ARHGAP10: variants seen among roughly 807,000 people sequenced by gnomAD.
The protein encoded by ARHGAP10 is Rho GTPase activating protein 10.
Under a neutral mutation model 108.6 loss-of-function variants are expected in ARHGAP10, and 87 were observed. The observed-to-expected ratio is 0.80, with a 90% confidence interval of 0.67 to 0.96. ARHGAP10 has a LOEUF of 0.96. ARHGAP10 is among the 40% of genes least tolerant of loss of function. ARHGAP10 has a pLI of 0.00. For missense variants in ARHGAP10, 939 were observed against 954.5 expected (o/e 0.98, Z 0.21); for synonymous variants, 347 against 341.1 (o/e 1.02, Z -0.19).
intron 12 of ARHGAP10, among the ~76,000 whole-genome samples, chr4:147,911,650 C>G (rs555955155): frequency 5.3e-5 from 8 of 151,038 alleles, no homozygotes; most frequent in African/African-American, 2.0e-4. Flanking sequence ...GCGTGAGCCA[C>G]CGCGCCTGGC....
intron 1 of ARHGAP10, among the ~76,000 whole-genome samples, chr4:147,803,505 C>T (rs1204707803): frequency 1.3e-5 from 2 of 152,160 alleles, no homozygotes; most frequent in African/African-American, 4.8e-5. Flanking sequence ...TTATAGTCAG[C>T]CTTCTGTACT....
At chr4:147,733,975 G>A (rs1728325348) in intron 1 of ARHGAP10, among the ~76,000 whole-genome samples, 1 of 146,050 alleles carries the variant, frequency 6.8e-6, no homozygotes, top group African/African-American at 2.6e-5. Flanking sequence ...CCAGGCCCTT[G>A]GCATCTGGTA....
intron 1 of ARHGAP10, among the ~76,000 whole-genome samples, chr4:147,789,456 A>T (rs968736907): frequency 1.3e-5 from 2 of 152,086 alleles, no homozygotes; most frequent in African/African-American, 4.8e-5. Flanking sequence ...TGCTTAGCTA[A>T]TTTTTTTGTA....
chr4:147,984,626 A>G (rs1739958059), intron 18 of ARHGAP10, among the ~76,000 whole-genome samples: 1 of 152,224 alleles, frequency 6.6e-6, no homozygotes, highest in South Asian at 2.1e-4. Flanking sequence ...GCTTGTGAGC[A>G]GGCTCACTGC....
chr4:147,885,737 C>G (rs1735523550), intron 10 of ARHGAP10, among the ~76,000 whole-genome samples: 1 of 152,226 alleles, frequency 6.6e-6, no homozygotes, highest in South Asian at 2.1e-4. Context: ...TTGGTCCTCT[C>G]CAGTTCAGCT....
intron 3 of ARHGAP10, among the ~76,000 whole-genome samples, chr4:147,841,333 C>A (rs2126810572): frequency 6.6e-6 from 1 of 152,342 alleles, no homozygotes; most frequent in Non-Finnish European, 1.5e-5. Context: ...ATTATGTAAT[C>A]TGTATGTGTG....
intron 12 of ARHGAP10, among the ~76,000 whole-genome samples, chr4:147,911,228 A>C (rs893531396): frequency 8.6e-5 from 13 of 152,002 alleles, no homozygotes; most frequent in African/African-American, 2.9e-4. Context: ...AATTCTCTTC[A>C]AGCTTAGCAC....
intron 1 of ARHGAP10, among the ~76,000 whole-genome samples, chr4:147,744,285 C>G (rs1244962456): frequency 6.6e-6 from 1 of 151,374 alleles, no homozygotes; most frequent in South Asian, 2.1e-4. Flanking sequence ...AGGGAAAATG[C>G]ATCTGAGAGG....
rs1466061350 is a variant in ARHGAP10 at position 148,032,849 on chromosome 4, G to A, written c.1867+9436G>A. ...GAAGAACTTGGACTCTCATGTTCGA[G>A]GGCAGGAAACATCCAGCTTGGGAGA... On this transcript the variant is annotated intron_variant, in intron 19 of 22. Coordinates refer to ENST00000336498, the MANE Select transcript of ARHGAP10 (RefSeq NM_024605.4). Among the ~76,000 whole-genome samples, 6 of 152,234 alleles carry A rather than the reference G, an allele frequency of 3.9e-5. No individual in the cohort carries two copies. The South Asian group carries it at 1.2e-3, about 32-fold the overall frequency.
At chr4:147,765,345 G>C (rs944905773) in intron 1 of ARHGAP10, among the ~76,000 whole-genome samples, 1 of 146,914 alleles carries the variant, frequency 6.8e-6, no homozygotes, top group African/African-American at 2.5e-5. Flanking sequence ...TGTGGGGGGG[G>C]GGGTGTGAGT....
At position 147,815,466 on chromosome 4, in the gene ARHGAP10, C is replaced by T. The variant is rs534244313; in HGVS notation, c.155-7261C>T. Among the ~76,000 whole-genome samples the T allele has an allele frequency of 1.1e-3, 171 of 151,096 alleles. 1 individual carries two copies. The highest frequency in any genetic ancestry group is 1.6e-3 in the Non-Finnish European group (106 of 67,848). On this transcript the variant is annotated intron_variant, in intron 1 of 22. Coordinates refer to ENST00000336498, the MANE Select transcript of ARHGAP10 (RefSeq NM_024605.4). ...GATTAAAGACCCTGAGATTATTGGCCGGAGGCGGGGGGCGGGGGGAGGAGG... is the reference window on the plus strand; with the variant it reads ...GATTAAAGACCCTGAGATTATTGGCTGGAGGCGGGGGGCGGGGGGAGGAGG...
chr4:147,987,464 T>C (rs1740088736), intron 18 of ARHGAP10, among the ~76,000 whole-genome samples: 1 of 152,210 alleles, frequency 6.6e-6, no homozygotes, highest in Admixed American at 6.5e-5. Context: ...TAGTGCCCTG[T>C]AGTCATTTGG....
rs138722125 is a variant in ARHGAP10, at chr4:148,026,496, C to T, written c.1867+3083C>T. On this transcript the variant is annotated intron_variant, in intron 19 of 22. Transcript: ENST00000336498. ...TAGTAAAGACTTCCATCGGCATTGG[C>T]GCATCTAGCCATACTGTGTATGCTC... is the stretch of plus-strand genomic sequence containing the variant. 2.2e-3 allele frequency among the ~76,000 whole-genome samples: 336 copies of T among 152,216 alleles called. 4 individuals are homozygous for T. Among genetic ancestry groups the T allele is most frequent in the African/African-American group, 7.0e-3 (290 of 41,526 alleles).
chr4:148,014,190 T>G (rs951890981), intron 18 of ARHGAP10, among the ~76,000 whole-genome samples: 3 of 152,246 alleles, frequency 2.0e-5, no homozygotes. Context: ...AATGTAAACT[T>G]TTTGTTTGCA....
Position 147,958,129 on chromosome 4 carries a change from C to G in ARHGAP10, c.1450+2755C>G, listed in dbSNP as rs530555815. Reference sequence around the variant, plus strand: ...GATTGTGTCCACCACAGGCAGGCATCTAGCTGGATGTCTTACTGCGTGATG... The same window carrying G: ...GATTGTGTCCACCACAGGCAGGCATGTAGCTGGATGTCTTACTGCGTGATG... On this transcript the variant is annotated intron_variant, in intron 16 of 22. Transcript: ENST00000336498. Among the ~76,000 whole-genome samples the G allele has an allele frequency of 3.3e-5, 5 of 152,294 alleles. No homozygotes were observed. In the East Asian group the frequency reaches 9.7e-4, roughly 29 times the overall value.
chr4:148,059,180 C>T (rs1447426474), intron 20 of ARHGAP10, among the ~76,000 whole-genome samples: 2 of 152,190 alleles, frequency 1.3e-5, no homozygotes, highest in African/African-American at 2.4e-5. Context: ...TTAGGAGATG[C>T]CTTTTGCAGT....
intron 18 of ARHGAP10, among the ~76,000 whole-genome samples, chr4:148,017,447 C>A (rs6815554): frequency 0.12 from 18,359 of 151,596 alleles, 1,700 homozygotes; most frequent in African/African-American, 0.26. Flanking sequence ...TACCTGATAC[C>A]CCCTCACTTG....
intron 20 of ARHGAP10, among the ~76,000 whole-genome samples, chr4:148,052,339 TAAA>T (rs540156426): frequency 2.9e-5 from 3 of 105,062 alleles, no homozygotes; most frequent in Non-Finnish European, 1.9e-5. Flanking sequence ...TCTGATTATG[TAAA>T]AAAAAAAAAA....
chr4:147,892,573 G>C (rs1224391048), intron 10 of ARHGAP10, among the ~76,000 whole-genome samples: 1 of 151,380 alleles, frequency 6.6e-6, no homozygotes, highest in Non-Finnish European at 1.5e-5. Context: ...GAGCAGCATG[G>C]GGGAGTGTGG....
Sources: allele counts gnomAD v4.1 joint callset (sites outside exome capture counted in the v4.1 genomes callset), GRCh38; gene constraint gnomAD v4.1.1; transcripts MANE v1.5; gene names NCBI Gene and HGNC (gene_info 2026-07-23, HGNC 2026-07-21).